CD47: variants seen among roughly 807,000 people sequenced by gnomAD.
CD47 encodes CD47 molecule.
In CD47, 11 loss-of-function variants were observed where a neutral mutation model predicts 44.6. The observed-to-expected ratio is 0.25, with a 90% CI of 0.16 to 0.41. CD47 has a LOEUF of 0.41. CD47 is among the 10% of genes least tolerant of loss of function. The probability of loss-of-function intolerance (pLI) is 1.00; values close to 1 mark genes in which losing one functional copy is unlikely to be tolerated. For synonymous variants in CD47, 140 were observed against 136.3 expected (o/e 1.03, Z -0.19); for missense variants, 306 against 386.7 (o/e 0.79, Z 1.75).
intron 3 of CD47, among the ~76,000 whole-genome samples, chr3:108,069,502 T>C (rs562247911): frequency 2.1e-5 from 3 of 144,642 alleles, no homozygotes; most frequent in Admixed American, 7.2e-5. Context: ...GTTTGGGGAC[T>C]ACAGATGAGT....
intron 1 of CD47, among the ~76,000 whole-genome samples, chr3:108,085,156 A>G (rs2079494688): frequency 6.6e-6 from 1 of 152,018 alleles, no homozygotes; most frequent in Non-Finnish European, 1.5e-5. Context: ...TTGCAATTCC[A>G]TGACTATGCA....
chr3:108,079,353 C>A lies in CD47; in HGVS notation c.400+638G>T, dbSNP rs1481336968. Among the ~76,000 whole-genome samples the A allele has an allele frequency of 2.0e-5, 3 of 151,924 alleles. No homozygotes were observed. The East Asian group carries it at 5.8e-4, about 29-fold the overall frequency. On this transcript the variant is annotated intron_variant, in intron 2 of 10. Coordinates refer to ENST00000361309, the MANE Select transcript of CD47 (RefSeq NM_001777.4). ...AAGTTTGTGATAAAAAGGGCAGAAT[C>A]ATGGTGCTATCATCAAGTCTGAATT...
intron 10 of CD47, among the ~76,000 whole-genome samples, chr3:108,048,379 T>G (rs546709537): frequency 5.5e-4 from 71 of 129,526 alleles, no homozygotes; most frequent in Middle Eastern, 3.8e-3. Flanking sequence ...GTGTTTTTTT[T>G]TTTTTTTTTT....
chr3:108,088,484 C>T (rs2079563765), intron 1 of CD47, among the ~76,000 whole-genome samples: 1 of 152,116 alleles, frequency 6.6e-6, no homozygotes, highest in Admixed American at 6.6e-5. Context: ...TTTAAATAGG[C>T]ATTTACTTCC....
chr3:108,089,094 T>C (rs2079578121), intron 1 of CD47, among the ~76,000 whole-genome samples: 2 of 152,256 alleles, frequency 1.3e-5, no homozygotes, highest in Admixed American at 1.3e-4. Context: ...TCTTTCTTCA[T>C]ACATGTCCTT....
intron 1 of CD47, among the ~76,000 whole-genome samples, chr3:108,082,415 C>A (rs1464985602): frequency 6.6e-6 from 1 of 151,956 alleles, no homozygotes; most frequent in Non-Finnish European, 1.5e-5. Flanking sequence ...AGGATATTGA[C>A]CAATTTTGCA....
intron 9 of CD47, among the ~76,000 whole-genome samples, chr3:108,050,348 C>T (rs2078804829): frequency 6.6e-6 from 1 of 152,142 alleles, no homozygotes; most frequent in Non-Finnish European, 1.5e-5. Context: ...AATCTCTTGA[C>T]CTCGTGATCT....
chr3:108,044,547 C>T lies in CD47; in HGVS notation c.*2741G>A, dbSNP rs1279883230. On this transcript the variant is annotated 3_prime_UTR_variant, in exon 11 of 11. Coordinates refer to ENST00000361309, the MANE Select transcript of CD47 (RefSeq NM_001777.4). ...ACTCTCAATCATTTAACTTATGTAC[C>T]TAGCTTCTGATGTATGCAAAACACT... is the stretch of plus-strand genomic sequence containing the variant. 1.3e-5 allele frequency: 2 copies of T among 150,506 alleles called. No homozygotes were observed. The highest frequency in any genetic ancestry group is 3.9e-4 in the East Asian group (2 of 5,122). 9.3% of individuals were successfully genotyped at this position (150,506 alleles called of 1,614,324 possible). A position where few individuals can be genotyped will look rare whatever the true frequency, so the allele number is the denominator to read the frequency against.
At chr3:108,048,386 T>TG (rs2078757962) in intron 10 of CD47, among the ~76,000 whole-genome samples, 3 of 140,728 alleles carry the variant, frequency 2.1e-5, no homozygotes, top group Non-Finnish European at 4.6e-5. Context: ...TTTTTTTTTT[T>TG]TTTTTTTTTT....
At chr3:108,082,698 GA>G (rs2079441636) in intron 1 of CD47, among the ~76,000 whole-genome samples, 2 of 151,886 alleles carry the variant, frequency 1.3e-5, no homozygotes, top group African/African-American at 2.4e-5. Flanking sequence ...AGTAGTTGGT[GA>G]ACAATCCACC....
intron 10 of CD47, 109 bp from the exon 11 acceptor site, chr3:108,047,401 G>T: frequency 1.4e-6 from 1 of 696,892 alleles, no homozygotes. Context: ...TAAAAATTAA[G>T]AAAATAGACC....
chr3:108,079,567 TA>T (rs71629342), intron 2 of CD47, among the ~76,000 whole-genome samples: 1,648 of 53,002 alleles, frequency 0.031, 13 homozygotes, highest in African/African-American at 0.096. Flanking sequence ...AGTGTAAGGT[TA>T]AAAAAAAAAA....
intron 2 of CD47, among the ~76,000 whole-genome samples, chr3:108,073,018 T>G (rs1372978031): frequency 7.3e-6 from 1 of 136,488 alleles, no homozygotes; most frequent in South Asian, 2.6e-4. Flanking sequence ...AAACTCCCCC[T>G]CTCATTTTCC....
intron 2 of CD47, among the ~76,000 whole-genome samples, chr3:108,076,961 G>A (rs2079321571): frequency 6.6e-6 from 1 of 152,150 alleles, no homozygotes; most frequent in Non-Finnish European, 1.5e-5. Flanking sequence ...ATTAAACAGT[G>A]AAGTCTAGAA....
intron 2 of CD47, among the ~76,000 whole-genome samples, chr3:108,073,940 T>C (rs2079257267): frequency 6.6e-6 from 1 of 152,128 alleles, no homozygotes; most frequent in Non-Finnish European, 1.5e-5. Context: ...AGAATGGGGA[T>C]CCCGAAACCA....
chr3:108,069,823 G>A (rs567898606), intron 3 of CD47, among the ~76,000 whole-genome samples: 1 of 152,220 alleles, frequency 6.6e-6, no homozygotes, highest in South Asian at 2.1e-4. Context: ...TGCCAATATG[G>A]TTAAAAGCTT....
At position 108,081,286 on chromosome 3, in the gene CD47, T is replaced by C. The variant is rs1405537169; in HGVS notation, c.47-942A>G. ...TAAAATGTACAAGAATGTGTAGGAA[T>C]TGTAGTTGTCTTCCATATTCTTCAG... On this transcript the variant is annotated intron_variant, in intron 1 of 10. Transcript: ENST00000361309. Among the ~76,000 whole-genome samples, 3 of 152,020 alleles carry C rather than the reference T, an allele frequency of 2.0e-5. No homozygotes were observed. The East Asian group carries it at 5.8e-4, about 29-fold the overall frequency.
Position 108,058,423 on chromosome 3 carries a change from C to A in CD47, c.698G>T (p.Gly233Val). 1 of 1,558,540 alleles carries A rather than the reference C, an allele frequency of 6.4e-7. No individual in the cohort carries two copies. The highest frequency in any genetic ancestry group is 8.7e-7 in the Non-Finnish European group (1 of 1,148,884). ...TATGGCAATGACGAAGGAGGTTAAT[C>A]CAATCGCTGGAGGAAGGAAAAGGAT... ...LHYYVFSTAI[G>V]LTSFVIAILV... The change falls in exon 6 of 11, where the codon GGA becomes GTA. Residue 233 changes from glycine to valine, a missense_variant. Coordinates refer to ENST00000361309, the MANE Select transcript of CD47 (RefSeq NM_001777.4).
chr3:108,084,781 G>A (rs973217196), intron 1 of CD47, among the ~76,000 whole-genome samples: 3 of 151,988 alleles, frequency 2.0e-5, no homozygotes, highest in African/African-American at 7.3e-5. Context: ...CCTTAGCCAT[G>A]GAGAATTCTT....
Sources: gnomAD v4.1 joint callset for allele counts (sites outside exome capture counted in the v4.1 genomes callset) on GRCh38, gnomAD v4.1.1 for gene constraint, MANE v1.5 for transcripts, NCBI Gene and HGNC (gene_info 2026-07-23, HGNC 2026-07-21) for gene names.